The following TNS1 variants were observed in gnomAD, a reference collection of about 807,000 sequenced individuals.
The protein encoded by TNS1 is tensin-1.
In TNS1, 62 loss-of-function variants were observed where a neutral mutation model predicts 168.6. The observed-to-expected ratio is 0.37, with a 90% CI of 0.30 to 0.45. The LOEUF is 0.45. TNS1 is among the 20% of genes least tolerant of loss of function. The pLI, the probability that TNS1 is intolerant of heterozygous loss-of-function variation, is 1.00. For missense variants in TNS1, 2,240 were observed against 2,339.4 expected (o/e 0.96, Z 0.88); for synonymous variants, 934 against 933.2 (o/e 1.00, Z -0.02).
intron 22 of TNS1, among the ~76,000 whole-genome samples, chr2:217,822,455 T>C (rs1225321081): frequency 6.6e-6 from 1 of 152,132 alleles, no homozygotes; most frequent in Admixed American, 6.5e-5. Context: ...CTGGTGAGTC[T>C]TGCCCTGTGG....
intron 18 of TNS1, among the ~76,000 whole-genome samples, chr2:217,872,589 A>G (rs1949867437): frequency 6.6e-6 from 1 of 152,248 alleles, no homozygotes; most frequent in Non-Finnish European, 1.5e-5. Flanking sequence ...AGTCTCATAC[A>G]TTGCTGGTAG....
Position 217,804,330 on chromosome 2 carries a change from T to G in TNS1, c.*129A>C, listed in dbSNP as rs545981462. The G allele has an allele frequency of 2.8e-6, 3 of 1,065,072 alleles. No homozygotes were observed. The highest frequency in any genetic ancestry group is 4.4e-4 in the Middle Eastern group (2 of 4,498). 66.0% of individuals were successfully genotyped at this position (1,065,072 alleles called of 1,614,324 possible). A position where few individuals can be genotyped will look rare whatever the true frequency, so the allele number is the denominator to read the frequency against. ...TGCAATTCACTTCCCTCTCCCCACG[T>G]TGCACTTTCTTCTCTCCTCCGAAAT... On this transcript the variant is annotated 3_prime_UTR_variant, in exon 33 of 33. Transcript: ENST00000682258.
chr2:217,851,166 A>G (rs1368116841), intron 18 of TNS1, among the ~76,000 whole-genome samples: 1 of 151,078 alleles, frequency 6.6e-6, no homozygotes, highest in Admixed American at 6.6e-5. Flanking sequence ...ATAAACACAT[A>G]ACAGGCAGGA....
rs138064979 is a variant in TNS1, at chr2:217,848,051, C to A, written c.2466G>T (p.Pro822=). The part of the protein sequence containing the change: ...ETPIPSLPEF[P]RAASQQEIEQ... ...CAATCTCCTGCTGGGAGGCTGCTCG[C>A]GGGAACTCAGGGAGACTGGGGATGG... The change falls in exon 19 of 33, where the codon CCG becomes CCT. Residue 822 remains proline, a synonymous_variant. Transcript: ENST00000682258. The A allele has an allele frequency of 6.9e-5, 106 of 1,529,092 alleles. No individual in the cohort carries two copies. The highest frequency in any genetic ancestry group is 8.9e-5 in the Non-Finnish European group (101 of 1,138,076). 94.7% of individuals were successfully genotyped at this position (1,529,092 alleles called of 1,614,324 possible).
chr2:217,850,319 G>A, intron 18 of TNS1: 1 of 985,350 alleles, frequency 1.0e-6, no homozygotes, highest in Non-Finnish European at 1.2e-6. Flanking sequence ...TGCTGATGCA[G>A]GGGGTTCAGG....
intron 6 of TNS1, among the ~76,000 whole-genome samples, chr2:217,904,047 C>A (rs1266241203): frequency 6.6e-6 from 1 of 152,198 alleles, no homozygotes; most frequent in Non-Finnish European, 1.5e-5. Context: ...TGTAAGCGAA[C>A]ACCAGGGGCC....
chr2:217,847,476 G>A, intron 19 of TNS1, 34 bp downstream of exon 19: 1 of 1,379,958 alleles, frequency 7.2e-7, no homozygotes, highest in Non-Finnish European at 9.5e-7. Flanking sequence ...AAATAAGGAA[G>A]GGGTAGAAGG....
At chr2:217,894,906 T>C in intron 9 of TNS1, 100 bp downstream of exon 9, 1 of 1,192,070 alleles carries the variant, frequency 8.4e-7, no homozygotes, top group Non-Finnish European at 1.2e-6. Context: ...TCTGACAAAC[T>C]GTCACAGCAT....
At chr2:217,891,169 G>A (rs1013745629) in intron 11 of TNS1, 124 bp from the exon 12 acceptor site, 2 of 853,850 alleles carry the variant, frequency 2.3e-6, no homozygotes, top group African/African-American at 3.4e-5. Flanking sequence ...GTCCTGGAGG[G>A]AAGACAAGCC....
chr2:217,849,912 G>C (rs1463333709), intron 18 of TNS1: 5 of 985,300 alleles, frequency 5.1e-6, no homozygotes, highest in Non-Finnish European at 6.0e-6. Context: ...GACTCTCTAA[G>C]ACAAGCTTGC....
At chr2:217,809,448 G>GGTGC (rs1940214011) in intron 30 of TNS1, among the ~76,000 whole-genome samples, 1 of 115,942 alleles carries the variant, frequency 8.6e-6, no homozygotes, top group African/African-American at 3.8e-5. Context: ...TGGATGGATG[G>GGTGC]ATGGATGGAT....
intron 4 of TNS1, among the ~76,000 whole-genome samples, chr2:217,912,834 A>G (rs1241355116): frequency 2.0e-5 from 3 of 152,194 alleles, no homozygotes; most frequent in Non-Finnish European, 2.9e-5. Flanking sequence ...CAGCGGCAGA[A>G]GGCAGCAAAG....
intron 7 of TNS1, 138 bp downstream of exon 7, chr2:217,900,325 C>T: frequency 1.0e-6 from 1 of 955,640 alleles, no homozygotes; most frequent in Non-Finnish European, 1.6e-6. Flanking sequence ...TCTCCTGTGC[C>T]TTTCACGTTT....
intron 3 of TNS1, among the ~76,000 whole-genome samples, chr2:217,924,220 G>T (rs959152589): frequency 6.6e-6 from 1 of 151,988 alleles, no homozygotes; most frequent in Non-Finnish European, 1.5e-5. Flanking sequence ...AGCTGTCTGC[G>T]TAGCTGTGTC....
intron 28 of TNS1, among the ~76,000 whole-genome samples, chr2:217,811,674 A>T (rs541316916): frequency 5.1e-4 from 78 of 152,242 alleles, no homozygotes; most frequent in Non-Finnish European, 7.2e-4. Flanking sequence ...TGGGCAGTAG[A>T]GGCCTATGCT....
intron 32 of TNS1, among the ~76,000 whole-genome samples, chr2:217,805,644 TCA>T (rs1290748111): frequency 8.8e-3 from 54 of 6,108 alleles, no homozygotes; most frequent in South Asian, 0.016. Context: ...CCCACACACA[TCA>T]CACACACACA....
chr2:217,885,670 G>C, intron 15 of TNS1, 74 bp downstream of exon 15: 1 of 1,494,852 alleles, frequency 6.7e-7, no homozygotes. Flanking sequence ...TGTCCCAAGA[G>C]GCAGGAAAGG....
At chr2:217,873,753 G>T (rs1949975501) in intron 18 of TNS1, among the ~76,000 whole-genome samples, 1 of 152,050 alleles carries the variant, frequency 6.6e-6, no homozygotes, top group Admixed American at 6.5e-5. Context: ...AGTTGGACAG[G>T]GTCTCCCAAA....
chr2:217,821,852 G>A lies in TNS1; in HGVS notation c.3460C>T (p.Pro1154Ser), dbSNP rs377220929. ...TCATGGCCATAGGCCTGGGTGGCTG[G>A]AGCACTAAAGCTCTTGGGCTCAGAG... ...QDSEPKSFSA[P>S]ATQAYGHEIP... The change falls in exon 23 of 33, where the codon CCA (proline) becomes TCA (serine). Residue 1154 changes from proline to serine, a missense_variant. Transcript: ENST00000682258. The A allele has an allele frequency of 1.9e-5, 30 of 1,584,780 alleles. No individual in the cohort carries two copies. Among genetic ancestry groups the A allele is most frequent in the Non-Finnish European group, 2.5e-5 (29 of 1,166,754 alleles).
Sources: allele counts gnomAD v4.1 joint callset (sites outside exome capture counted in the v4.1 genomes callset), GRCh38; gene constraint gnomAD v4.1.1; transcripts MANE v1.5; gene names NCBI Gene and HGNC (gene_info 2026-07-23, HGNC 2026-07-21).